The following PDLIM5 variants were observed in gnomAD, a reference collection of about 807,000 sequenced individuals.
The protein encoded by PDLIM5 is PDZ and LIM domain 5.
In PDLIM5, 34 loss-of-function variants were observed where a neutral mutation model predicts 64.2. The observed-to-expected ratio is 0.53, with a 90% CI of 0.40 to 0.71. PDLIM5 has a LOEUF of 0.71. Among genes scored for constraint, PDLIM5 ranks in the 30% least tolerant of loss-of-function variants. The pLI is 0.00. For synonymous variants in PDLIM5, 253 were observed against 269.1 expected (o/e 0.94, Z 0.59); for missense variants, 683 against 733.6 (o/e 0.93, Z 0.80).
intron 5 of PDLIM5, chr4:94,585,050 C>A: frequency 1.0e-6 from 1 of 977,556 alleles, no homozygotes; most frequent in Non-Finnish European, 1.6e-6. Flanking sequence ...TTTATATTAA[C>A]ATTATAAGTG....
Position 94,665,584 on chromosome 4 carries a change from A to G in PDLIM5, c.*1517A>G, listed in dbSNP as rs920541757. On this transcript the variant is annotated 3_prime_UTR_variant, in exon 13 of 13. Coordinates refer to ENST00000317968, the MANE Select transcript of PDLIM5 (RefSeq NM_006457.5). ...GATTATACCCCCCAATTGTTTTTCA[A>G]TCCCCTTTTCTCAAATAATAAATTA... is the stretch of plus-strand genomic sequence containing the variant. The G allele has an allele frequency of 2.6e-4, 254 of 979,334 alleles. 1 individual carries two copies. The African/African-American group carries it at 4.0e-3, about 15-fold the overall frequency. The allele number at this position is 979,334 out of a possible 1,614,324, so 60.7% of individuals were successfully genotyped here.
chr4:94,478,489 A>G (rs1473974215), intron 2 of PDLIM5, among the ~76,000 whole-genome samples: 1 of 152,106 alleles, frequency 6.6e-6, no homozygotes, highest in Non-Finnish European at 1.5e-5. Context: ...TTATTTTAGT[A>G]TAGTCTTTCA....
At chr4:94,545,346 T>C (rs1304435558) in intron 3 of PDLIM5, among the ~76,000 whole-genome samples, 3 of 152,200 alleles carry the variant, frequency 2.0e-5, no homozygotes, top group African/African-American at 7.2e-5. Flanking sequence ...TCATATAATA[T>C]CTTTTTAGAA....
At chr4:94,569,664 A>C (rs1444704607) in intron 3 of PDLIM5, among the ~76,000 whole-genome samples, 1 of 152,182 alleles carries the variant, frequency 6.6e-6, no homozygotes, top group East Asian at 1.9e-4. Context: ...CTGTAAAATG[A>C]GAGAATGACA....
At chr4:94,504,504 C>T (rs1429109584) in intron 2 of PDLIM5, among the ~76,000 whole-genome samples, 1 of 152,076 alleles carries the variant, frequency 6.6e-6, no homozygotes, top group Non-Finnish European at 1.5e-5. Flanking sequence ...CCAGGATGGT[C>T]TCCGTCTCGT....
chr4:94,650,583 TC>T, intron 9 of PDLIM5, among the ~76,000 whole-genome samples: 1 of 152,162 alleles, frequency 6.6e-6, no homozygotes, highest in East Asian at 1.9e-4. Context: ...GGCTGATTTC[TC>T]TGACGTTTTC....
intron 2 of PDLIM5, among the ~76,000 whole-genome samples, chr4:94,501,523 C>T (rs990388824): frequency 6.6e-6 from 1 of 152,104 alleles, no homozygotes; most frequent in African/African-American, 2.4e-5. Context: ...ATTTTTATAG[C>T]AATTTGACAG....
chr4:94,651,226 C>G (rs1280863340), intron 9 of PDLIM5, among the ~76,000 whole-genome samples: 1 of 152,184 alleles, frequency 6.6e-6, no homozygotes, highest in Non-Finnish European at 1.5e-5. Context: ...GATGCTCTTT[C>G]AGGACAGCCA....
chr4:94,504,887 C>A (rs1269823192), intron 2 of PDLIM5, among the ~76,000 whole-genome samples: 2 of 152,156 alleles, frequency 1.3e-5, no homozygotes, highest in African/African-American at 4.8e-5. Flanking sequence ...GCACTCATAA[C>A]CACTGTTCTT....
At chr4:94,597,705 G>A (rs1435892398) in intron 7 of PDLIM5, among the ~76,000 whole-genome samples, 1 of 151,988 alleles carries the variant, frequency 6.6e-6, no homozygotes, top group Non-Finnish European at 1.5e-5. Context: ...AGTACTATCT[G>A]CGTTTGTTTC....
intron 3 of PDLIM5, among the ~76,000 whole-genome samples, chr4:94,550,171 T>A (rs918584170): frequency 2.3e-4 from 35 of 152,144 alleles, no homozygotes; most frequent in African/African-American, 8.4e-4. Context: ...GTTTGCTCAC[T>A]TTATAAGGTT....
Position 94,664,174 on chromosome 4 carries a change from A to T in PDLIM5, c.*107A>T. 1 of 1,298,642 alleles carries T rather than the reference A, an allele frequency of 7.7e-7. No homozygotes were observed. Among genetic ancestry groups the T allele is most frequent in the Admixed American group, 3.3e-5 (1 of 30,264 alleles). The allele number at this position is 1,298,642 out of a possible 1,614,324, so 80.4% of individuals were successfully genotyped here. A position where few individuals can be genotyped will look rare whatever the true frequency, so the allele number is the denominator to read the frequency against. On this transcript the variant is annotated 3_prime_UTR_variant, in exon 13 of 13. Transcript: ENST00000317968. ...TTTATATGGAGTTTTGAAAAATAAT[A>T]GTGGCCCTGAAGGAATAAATTCCAG...
intron 7 of PDLIM5, chr4:94,587,166 A>C: frequency 6.7e-7 from 1 of 1,493,526 alleles, no homozygotes; most frequent in South Asian, 1.4e-5. Flanking sequence ...AATCTGTATT[A>C]AATTTGCCTT....
At chr4:94,552,027 T>G (rs1732854319) in intron 3 of PDLIM5, among the ~76,000 whole-genome samples, 1 of 152,212 alleles carries the variant, frequency 6.6e-6, no homozygotes, top group South Asian at 2.1e-4. Context: ...GATTTTGGAC[T>G]GTGCCTAATG....
chr4:94,581,782 T>C (rs1264734189), intron 5 of PDLIM5, among the ~76,000 whole-genome samples: 1 of 152,230 alleles, frequency 6.6e-6, no homozygotes, highest in Non-Finnish European at 1.5e-5. Flanking sequence ...TAGTCTTTTC[T>C]ATCCCTACTG....
chr4:94,583,918 G>A (rs1007267964), intron 5 of PDLIM5, among the ~76,000 whole-genome samples: 1 of 152,148 alleles, frequency 6.6e-6, no homozygotes, highest in African/African-American at 2.4e-5. Flanking sequence ...TAAGATGCAA[G>A]TCTTATTTCT....
At chr4:94,596,007 G>A (rs1203054073) in intron 7 of PDLIM5, among the ~76,000 whole-genome samples, 3 of 152,134 alleles carry the variant, frequency 2.0e-5, no homozygotes, top group African/African-American at 7.2e-5. Context: ...TGGAATATTT[G>A]TAATTGATCT....
At chr4:94,630,185 G>A (rs772454453) in intron 8 of PDLIM5, among the ~76,000 whole-genome samples, 16 of 151,988 alleles carry the variant, frequency 1.1e-4, no homozygotes, top group Non-Finnish European at 2.2e-4. Context: ...CCCCGAGAGT[G>A]CCACTTTGAT....
rs11551408 is a variant in PDLIM5, at chr4:94,587,638, G to A, written c.920+1194G>A. ...TAGATTTAGGTATCTTTTAAAGTAG[G>A]TACTATTCAGGATGGCTCTATGAAG... On this transcript the variant is annotated intron_variant, in intron 7 of 12. Coordinates refer to ENST00000317968, the MANE Select transcript of PDLIM5 (RefSeq NM_006457.5). 6.8e-5 allele frequency: 67 copies of A among 978,936 alleles called. No individual in the cohort carries two copies. The South Asian group carries it at 2.7e-3, about 39-fold the overall frequency. The allele number at this position is 978,936 out of a possible 1,614,324, so 60.6% of individuals were successfully genotyped here.
Sources: gnomAD v4.1 joint callset for allele counts (sites outside exome capture counted in the v4.1 genomes callset) on GRCh38, gnomAD v4.1.1 for gene constraint, MANE v1.5 for transcripts, NCBI Gene and HGNC (gene_info 2026-07-23, HGNC 2026-07-21) for gene names.